The following MYO6 variants were observed in gnomAD, a reference collection of about 807,000 sequenced individuals.
MYO6 encodes the protein unconventional myosin-VI.
Under a neutral mutation model 178.7 loss-of-function variants are expected in MYO6, and 74 were observed. The ratio of observed to expected loss-of-function variants is 0.41; its 90% confidence interval spans 0.34 to 0.50. MYO6 has a LOEUF of 0.50. Among genes scored for constraint, MYO6 ranks in the 20% least tolerant of loss-of-function variants. The pLI is 0.09. For missense variants in MYO6, 1,330 were observed against 1,547.4 expected (o/e 0.86, Z 2.36); for synonymous variants, 477 against 504.6 (o/e 0.95, Z 0.73).
At chr6:75,809,652 T>C (rs2842543) in intron 1 of MYO6, among the ~76,000 whole-genome samples, 117,053 of 151,436 alleles carry the variant, frequency 0.77, 46,437 homozygotes, top group East Asian at 0.95. Context: ...GGGGGGGTGG[T>C]GGAATGGGGA....
rs1562276552 is a variant in MYO6, at chr6:75,878,122, C to T, written c.2078-1698C>T. Among the ~76,000 whole-genome samples the T allele has an allele frequency of 7.9e-5, 12 of 152,154 alleles. No individual in the cohort carries two copies. The South Asian group carries it at 2.5e-3, about 32-fold the overall frequency. ...TTCATTAATTAATATTGAAAATTCA[C>T]AGTAACAGAAATTAAATAGTACAGA... On this transcript the variant is annotated intron_variant, in intron 20 of 34. Coordinates refer to ENST00000369977, the MANE Select transcript of MYO6 (RefSeq NM_004999.4).
At chr6:75,857,060 T>A in intron 12 of MYO6, 37 bp from the exon 13 acceptor site, 1 of 1,607,234 alleles carries the variant, frequency 6.2e-7, no homozygotes, top group Non-Finnish European at 8.5e-7. Flanking sequence ...AGTGCACTAT[T>A]ATAAAGAATT....
intron 1 of MYO6, among the ~76,000 whole-genome samples, chr6:75,787,341 A>G (rs1338540553): frequency 6.6e-6 from 1 of 152,164 alleles, no homozygotes; most frequent in East Asian, 1.9e-4. Flanking sequence ...AAACAATTCC[A>G]GTATCCATCA....
intron 25 of MYO6, 129 bp downstream of exon 25, chr6:75,887,123 G>C (rs1778497113): frequency 1.2e-6 from 1 of 819,734 alleles, no homozygotes; most frequent in Non-Finnish European, 2.0e-6. Context: ...ACTCAATGAT[G>C]GCAAGTACAT....
chr6:75,790,671 C>T (rs563288220), intron 1 of MYO6, among the ~76,000 whole-genome samples: 1 of 152,196 alleles, frequency 6.6e-6, no homozygotes, highest in East Asian at 1.9e-4. Context: ...AAGCCACTTG[C>T]GCCTGGCCAG....
intron 1 of MYO6, among the ~76,000 whole-genome samples, chr6:75,779,450 C>T (rs1766739436): frequency 6.6e-6 from 1 of 151,632 alleles, no homozygotes; most frequent in Non-Finnish European, 1.5e-5. Context: ...TGTAGTGAGC[C>T]AAGATTGTGC....
At chr6:75,756,973 A>ATGTGTG (rs1562113311) in intron 1 of MYO6, among the ~76,000 whole-genome samples, 2 of 25,478 alleles carry the variant, frequency 7.8e-5, no homozygotes, top group Non-Finnish European at 2.2e-4. Flanking sequence ...ACACACATAT[A>ATGTGTG]TAGTGTGTAT....
rs61398235 is a variant in MYO6, at chr6:75,854,275, C to CTTTTTTTTTT, written c.1079-841_1079-832dup. Among the ~76,000 whole-genome samples the CTTTTTTTTTT allele has an allele frequency of 2.2e-4, 10 of 45,498 alleles. 1 individual carries two copies. The highest frequency in any genetic ancestry group is 2.3e-3 in the South Asian group (2 of 864). 29.8% of individuals were successfully genotyped at this position (45,498 alleles called of 152,430 possible). On this transcript the variant is annotated intron_variant, in intron 11 of 34. Transcript: ENST00000369977. ...CATGGGTCAAGACCTAACTGCATTG[C>CTTTTTTTTTT]TTTTTTTTTTTTTTTTTTTTTTTTT... is the stretch of plus-strand genomic sequence containing the variant.
At position 75,855,194 on chromosome 6, in the gene MYO6, A is replaced by G; in HGVS notation, c.1134A>G (p.Leu378=). The G allele has an allele frequency of 1.2e-6, 2 of 1,613,230 alleles. No individual in the cohort carries two copies. Among genetic ancestry groups the G allele is most frequent in the Non-Finnish European group, 1.7e-6 (2 of 1,179,322 alleles). The change falls in exon 12 of 35, where the codon TTA becomes TTG. Residue 378 remains leucine (L), a synonymous_variant. Coordinates refer to ENST00000369977, the MANE Select transcript of MYO6 (RefSeq NM_004999.4). ...AGTCTTTGGAATATTGTGCTGAATT[A>G]CTGGGTTTGGACCAAGATGATCTTC... The part of the protein sequence containing the change: ...SAQSLEYCAE[L]LGLDQDDLRV...
intron 6 of MYO6, 24 bp from the exon 7 acceptor site, chr6:75,835,876 AT>A (rs770168791): frequency 7.6e-5 from 108 of 1,419,196 alleles, no homozygotes; most frequent in Non-Finnish European, 1.0e-4. Flanking sequence ...TGTCATCAAC[AT>A]TTTTTATCCT....
chr6:75,848,831 A>G (rs1042935407), intron 11 of MYO6, among the ~76,000 whole-genome samples: 1 of 152,130 alleles, frequency 6.6e-6, no homozygotes, highest in Non-Finnish European at 1.5e-5. Context: ...TTTTCCAGTT[A>G]TATTACACTT....
chr6:75,810,577 TC>T (rs1368412049), intron 1 of MYO6, among the ~76,000 whole-genome samples: 1 of 152,202 alleles, frequency 6.6e-6, no homozygotes, highest in Non-Finnish European at 1.5e-5. Context: ...TTTTTCAAGT[TC>T]CTCTGGGTTT....
At chr6:75,839,875 T>G (rs954414962) in intron 7 of MYO6, among the ~76,000 whole-genome samples, 6 of 152,046 alleles carry the variant, frequency 3.9e-5, no homozygotes, top group Non-Finnish European at 7.4e-5. Flanking sequence ...ATACATCTCT[T>G]GCCTATATTT....
chr6:75,885,989 TA>T lies in MYO6; in HGVS notation c.2417-14del. 1 of 1,462,442 alleles carries T rather than the reference TA, an allele frequency of 6.8e-7. No homozygotes were observed. The highest frequency in any genetic ancestry group is 9.5e-7 in the Non-Finnish European group (1 of 1,047,406). 90.6% of individuals were successfully genotyped at this position (1,462,442 alleles called of 1,614,324 possible). ...TGAATAATTTTCTATCATTTTATTT[TA>T]CTCTTACACATAGTGAAAAACAAAA... On this transcript the variant is annotated splice_polypyrimidine_tract_variant and intron_variant, in intron 23 of 34. Transcript: ENST00000369977.
chr6:75,824,781 A>G lies in MYO6; in HGVS notation c.187+1930A>G, dbSNP rs1230232143. Among the ~76,000 whole-genome samples, 3 of 126,522 alleles carry G rather than the reference A, an allele frequency of 2.4e-5. No homozygotes were observed. In the South Asian group the frequency reaches 7.6e-4, roughly 32 times the overall value. The allele number at this position is 126,522 out of a possible 152,430, so 83.0% of individuals were successfully genotyped here. ...GTCTAAATTTTTTTTTTTTTTTTTG[A>G]GACAGTCTCGCTCTGTCACCCAGAC... On this transcript the variant is annotated intron_variant, in intron 3 of 34. Transcript: ENST00000369977.
chr6:75,890,369 C>T, intron 26 of MYO6, 104 bp downstream of exon 26: 1 of 1,502,478 alleles, frequency 6.7e-7, no homozygotes, highest in Admixed American at 1.9e-5. Context: ...GTTTTTGTGA[C>T]AGGGTCTTGC....
chr6:75,762,872 T>G (rs1287872097), intron 1 of MYO6, among the ~76,000 whole-genome samples: 1 of 152,216 alleles, frequency 6.6e-6, no homozygotes, highest in Non-Finnish European at 1.5e-5. Context: ...ATGTAAATAA[T>G]GAATTTAAGT....
chr6:75,843,740 T>C (rs997164122), intron 9 of MYO6, among the ~76,000 whole-genome samples: 7 of 151,638 alleles, frequency 4.6e-5, no homozygotes, highest in African/African-American at 1.7e-4. Flanking sequence ...TTTTATTTTT[T>C]TCCCAAAGAT....
At chr6:75,882,564 A>G (rs944858733) in intron 23 of MYO6, among the ~76,000 whole-genome samples, 7 of 152,132 alleles carry the variant, frequency 4.6e-5, no homozygotes, top group African/African-American at 1.7e-4. Flanking sequence ...ATAATCCCAA[A>G]TGTTGAAATC....
Sources: allele counts gnomAD v4.1 joint callset (sites outside exome capture counted in the v4.1 genomes callset), GRCh38; gene constraint gnomAD v4.1.1; transcripts MANE v1.5; gene names NCBI Gene and HGNC (gene_info 2026-07-23, HGNC 2026-07-21).